Variants in WDR33 observed in about 807,000 individuals in gnomAD.
WDR33 encodes the protein pre-mRNA 3' end processing protein WDR33.
WDR33 carries 47 observed loss-of-function variants against 164.9 expected under a neutral mutation model. That is an observed-to-expected ratio of 0.29 (90% CI 0.23 to 0.36). WDR33 has a LOEUF of 0.36. Ranked by LOEUF, WDR33 falls within the 10% of genes least tolerant of loss-of-function variation. WDR33 has a pLI of 1.00. For missense variants in WDR33, 1,137 were observed against 1,754.1 expected (o/e 0.65, Z 6.28); for synonymous variants, 505 against 589.0 (o/e 0.86, Z 2.06).
intron 18 of WDR33, among the ~76,000 whole-genome samples, chr2:127,711,318 G>A (rs577293302): frequency 3.6e-4 from 55 of 151,756 alleles, no homozygotes; most frequent in Admixed American, 3.9e-4. Flanking sequence ...CCAGCTACTC[G>A]GGAGGCTGAA....
At chr2:127,792,100 G>A (rs911036213) in intron 1 of WDR33, among the ~76,000 whole-genome samples, 9 of 151,642 alleles carry the variant, frequency 5.9e-5, no homozygotes, top group South Asian at 2.1e-4. Context: ...CACCACGCCC[G>A]GCTAATTTTT....
chr2:127,727,025 G>A (rs576678861), intron 7 of WDR33, among the ~76,000 whole-genome samples: 21 of 152,200 alleles, frequency 1.4e-4, no homozygotes, highest in Non-Finnish European at 2.2e-4. Flanking sequence ...CCTACTTGCC[G>A]GGAGGTCAGT....
At chr2:127,806,283 C>CT (rs1348664374) in intron 1 of WDR33, among the ~76,000 whole-genome samples, 1 of 149,008 alleles carries the variant, frequency 6.7e-6, no homozygotes, top group African/African-American at 2.5e-5. Flanking sequence ...TTTCAGCTCA[C>CT]TACAACCTCC....
At position 127,716,337 on chromosome 2, in the gene WDR33, AAG is replaced by A. The variant is rs535401448; in HGVS notation, c.2869+816_2869+817del. Among the ~76,000 whole-genome samples the A allele has an allele frequency of 1.3e-3, 195 of 152,310 alleles. No individual in the cohort carries two copies. The highest frequency in any genetic ancestry group is 4.4e-3 in the African/African-American group (181 of 41,576). ...GCTATGGGCTTAGCCAATTAAAACT[AAG>A]AGAGTAAAGTTCTGTGAAGGGCAAT... On this transcript the variant is annotated intron_variant, in intron 17 of 21. Transcript: ENST00000322313. This position sits in a 1 kb window ranked among gnomAD's most constrained non-coding sequence, Gnocchi z 4.5.
intron 7 of WDR33, among the ~76,000 whole-genome samples, chr2:127,757,194 A>G (rs2105424667): frequency 6.6e-6 from 1 of 152,290 alleles, no homozygotes; most frequent in African/African-American, 2.4e-5. Flanking sequence ...GCACCCCAAG[A>G]AAGGTACAGA....
At chr2:127,732,160 C>T (rs990670206) in intron 7 of WDR33, among the ~76,000 whole-genome samples, 1 of 148,474 alleles carries the variant, frequency 6.7e-6, no homozygotes, top group Admixed American at 6.7e-5. Flanking sequence ...CACACACAGA[C>T]GGACACCCCA....
At chr2:127,799,140 C>T (rs1689148677) in intron 1 of WDR33, 2 of 152,076 alleles carry the variant, frequency 1.3e-5, no homozygotes, top group Admixed American at 1.3e-4. Context: ...TAACCAATTG[C>T]CAACTGCATT....
In WDR33 at chr2:127,701,532, G is replaced by A. The variant is rs868496880; in HGVS notation, c.*4791C>T. ...TTCTGCCACCGCCTTGTCCAAGATG[G>A]CGGACCTCCACCGCCAGCTGCAGGA... On this transcript the variant is annotated 3_prime_UTR_variant, in exon 22 of 22. Coordinates refer to ENST00000322313, the MANE Select transcript of WDR33 (RefSeq NM_018383.5). The A allele has an allele frequency of 1.5e-6, 2 of 1,332,086 alleles. No homozygotes were observed. The highest frequency in any genetic ancestry group is 1.9e-6 in the Non-Finnish European group (2 of 1,039,206). The allele number at this position is 1,332,086 out of a possible 1,614,324, so 82.5% of individuals were successfully genotyped here. A position where few individuals can be genotyped will look rare whatever the true frequency, so the allele number is the denominator to read the frequency against.
At chr2:127,728,172 C>T (rs766134323) in intron 7 of WDR33, among the ~76,000 whole-genome samples, 1 of 152,120 alleles carries the variant, frequency 6.6e-6, no homozygotes, top group Non-Finnish European at 1.5e-5. Context: ...TTTACTGACA[C>T]AATTTGTTTT....
chr2:127,706,211 G>GA lies in WDR33; in HGVS notation c.*111dup, dbSNP rs768555726. 186 of 1,027,146 alleles carry GA rather than the reference G, an allele frequency of 1.8e-4. No homozygotes were observed. The highest frequency in any genetic ancestry group is 2.4e-4 in the Non-Finnish European group (177 of 743,528). The allele number at this position is 1,027,146 out of a possible 1,614,324, so 63.6% of individuals were successfully genotyped here. ...AGGGTTCCTGGGATTCAGGTGCCCAGAAAAGAGTTCAGGGCTACAATGGTG... is the reference window on the plus strand; with the variant it reads ...AGGGTTCCTGGGATTCAGGTGCCCAGAAAAAGAGTTCAGGGCTACAATGGTG... On this transcript the variant is annotated 3_prime_UTR_variant, in exon 22 of 22. Coordinates refer to ENST00000322313, the MANE Select transcript of WDR33 (RefSeq NM_018383.5). This position sits in a 1 kb window ranked among gnomAD's most constrained non-coding sequence, Gnocchi z 5.1.
chr2:127,777,064 C>G (rs934437565), intron 1 of WDR33, among the ~76,000 whole-genome samples: 6 of 152,132 alleles, frequency 3.9e-5, no homozygotes, highest in African/African-American at 1.2e-4. Context: ...AAGGAGGGTG[C>G]AAGAGAGAGG....
At chr2:127,744,623 G>A (rs1317260726) in intron 7 of WDR33, among the ~76,000 whole-genome samples, 2 of 152,164 alleles carry the variant, frequency 1.3e-5, no homozygotes, top group Non-Finnish European at 2.9e-5. Flanking sequence ...GGGGAAAGAC[G>A]TTGACTTTTT....
Position 127,741,959 on chromosome 2 carries a change from G to C in WDR33, c.725-15182C>G, listed in dbSNP as rs891658618. ...CTCACACCTGTAATCCCAGCACTTT[G>C]GGAGGCCGAGGCGGGTGGATCACCT... On this transcript the variant is annotated intron_variant, in intron 7 of 21. Transcript: ENST00000322313. This position sits in a 1 kb window ranked among gnomAD's most constrained non-coding sequence, Gnocchi z 4.1. Among the ~76,000 whole-genome samples the C allele has an allele frequency of 6.6e-6, 1 of 152,020 alleles. No individual in the cohort carries two copies. The highest frequency in any genetic ancestry group is 2.4e-5 in the African/African-American group (1 of 41,362).
rs1325828286 is a variant in WDR33, at chr2:127,709,938, T to C, written c.3309-82A>G. 6 of 1,481,676 alleles carry C rather than the reference T, an allele frequency of 4.0e-6. No individual in the cohort carries two copies. In the East Asian group the frequency reaches 1.1e-4, roughly 28 times the overall value. 91.8% of individuals were successfully genotyped at this position (1,481,676 alleles called of 1,614,324 possible). A position where few individuals can be genotyped will look rare whatever the true frequency, so the allele number is the denominator to read the frequency against. On this transcript the variant is annotated intron_variant, in intron 18 of 21. Transcript: ENST00000322313. This position sits in a 1 kb window ranked among gnomAD's most constrained non-coding sequence, Gnocchi z 5.0. The stretch of plus-strand genomic sequence containing the variant: ...TCATGTTTCAAAGAAGCATATGATA[T>C]GAGAAAGCATGATACAATGTTAATT...
At chr2:127,783,666 G>A (rs1317595358) in intron 1 of WDR33, among the ~76,000 whole-genome samples, 3 of 138,888 alleles carry the variant, frequency 2.2e-5, no homozygotes, top group Non-Finnish European at 3.0e-5. Context: ...GTACAGTGGT[G>A]TGATCTCGGC....
chr2:127,721,791 C>A lies in WDR33; in HGVS notation c.1671+45G>T. 2 of 1,555,842 alleles carry A rather than the reference C, an allele frequency of 1.3e-6. No homozygotes were observed. Among genetic ancestry groups the A allele is most frequent in the Non-Finnish European group, 8.7e-7 (1 of 1,154,808 alleles). On this transcript the variant is annotated intron_variant, in intron 15 of 21. Coordinates refer to ENST00000322313, the MANE Select transcript of WDR33 (RefSeq NM_018383.5). This position sits in a 1 kb window ranked among gnomAD's most constrained non-coding sequence, Gnocchi z 4.9. The stretch of plus-strand genomic sequence containing the variant: ...CCTATCAATAAAAATGTCACCACTA[C>A]CCTCTTAGATCATCTTGAATTCCCC...
At position 127,721,744 on chromosome 2, in the gene WDR33, C is replaced by T; in HGVS notation, c.1671+92G>A. On this transcript the variant is annotated intron_variant, in intron 15 of 21. Transcript: ENST00000322313. The surrounding 1 kb of genome is among the most constrained non-coding windows in gnomAD (Gnocchi z 4.9). ...CGGTGTTTGTCAGACCATGGGAGAG[C>T]CCCTTCCCTTTTCCTTAAGAGCCTA... 1 of 1,342,056 alleles carries T rather than the reference C, an allele frequency of 7.5e-7. No homozygotes were observed. Among genetic ancestry groups the T allele is most frequent in the Non-Finnish European group, 1.0e-6 (1 of 995,814 alleles). The allele number at this position is 1,342,056 out of a possible 1,614,324, so 83.1% of individuals were successfully genotyped here. A position where few individuals can be genotyped will look rare whatever the true frequency, so the allele number is the denominator to read the frequency against.
rs1209009696 is a variant in WDR33 at position 127,709,102 on chromosome 2, TGTA to T, written c.3566-213_3566-211del. On this transcript the variant is annotated intron_variant, in intron 20 of 21. Coordinates refer to ENST00000322313, the MANE Select transcript of WDR33 (RefSeq NM_018383.5). The surrounding 1 kb of genome is among the most constrained non-coding windows in gnomAD (Gnocchi z 5.0). The stretch of plus-strand genomic sequence containing the variant: ...ATCCAGAGAACTCGTTCTCAGGCAT[TGTA>T]GTATCAAGACGTCTTTACAGTCTCA... 1.3e-5 allele frequency among the ~76,000 whole-genome samples: 2 copies of T among 152,132 alleles called. No individual in the cohort carries two copies. Among genetic ancestry groups the T allele is most frequent in the African/African-American group, 4.8e-5 (2 of 41,422 alleles).
At chr2:127,725,678 G>T (rs1686552654) in intron 8 of WDR33, among the ~76,000 whole-genome samples, 1 of 151,684 alleles carries the variant, frequency 6.6e-6, no homozygotes, top group African/African-American at 2.4e-5. Flanking sequence ...AGGTTGCAGT[G>T]AGCCGAGATT....
Sources: allele counts gnomAD v4.1 joint callset (sites outside exome capture counted in the v4.1 genomes callset), GRCh38; gene constraint gnomAD v4.1.1; non-coding constraint Gnocchi (gnomAD v3.1); transcripts MANE v1.5; gene names NCBI Gene and HGNC (gene_info 2026-07-23, HGNC 2026-07-21).